Variants in NKAIN3 observed in about 807,000 individuals in gnomAD.
NKAIN3 encodes sodium/potassium transporting ATPase interacting 3, also known as sodium/potassium-transporting ATPase subunit beta-1-interacting protein 3.
A neutral mutation model predicts 30.2 loss-of-function variants in NKAIN3; 25 were observed. The observed-to-expected ratio is 0.83, with a 90% CI of 0.60 to 1.16. The LOEUF (loss-of-function observed/expected upper bound fraction) is 1.16, where lower values mean the gene tolerates loss of function less well. Ranked by LOEUF, NKAIN3 falls within the 50% of genes most tolerant of loss-of-function variation. NKAIN3 has a pLI of 0.00. For synonymous variants in NKAIN3, 91 were observed against 89.6 expected (o/e 1.02, Z -0.09); for missense variants, 225 against 254.1 (o/e 0.89, Z 0.78).
chr8:62,689,752 G>T (rs1813905393), intron 3 of NKAIN3, among the ~76,000 whole-genome samples: 1 of 151,722 alleles, frequency 6.6e-6, no homozygotes, highest in Non-Finnish European at 1.5e-5. Flanking sequence ...TTATCTCTTT[G>T]ACCCTGGAAT....
chr8:62,881,964 C>A (rs1215993398), intron 4 of NKAIN3, among the ~76,000 whole-genome samples: 1 of 152,136 alleles, frequency 6.6e-6, no homozygotes, highest in Non-Finnish European at 1.5e-5. Flanking sequence ...GTAATGGTAT[C>A]CCATCGTTGT....
rs1292500323 is a variant in NKAIN3, at chr8:62,978,855, A to G, written c.*13448A>G. The G allele has an allele frequency of 6.5e-6, 1 of 154,252 alleles. No homozygotes were observed. 9.6% of individuals were successfully genotyped at this position (154,252 alleles called of 1,614,324 possible). Reference sequence around the variant, plus strand: ...AGGGCCCTTGTGGTGTAGGCACCCAAGGGATCTCCTTGTCTGTGGATTGCG... The same window carrying G: ...AGGGCCCTTGTGGTGTAGGCACCCAGGGGATCTCCTTGTCTGTGGATTGCG... On this transcript the variant is annotated 3_prime_UTR_variant, in exon 7 of 7. Coordinates refer to ENST00000623646, the MANE Select transcript of NKAIN3 (RefSeq NM_001304533.3).
At chr8:62,423,768 T>A (rs1305619257) in intron 1 of NKAIN3, among the ~76,000 whole-genome samples, 1 of 152,016 alleles carries the variant, frequency 6.6e-6, no homozygotes, top group Non-Finnish European at 1.5e-5. Context: ...CATTTCCAAC[T>A]AATACCTTTT....
intron 1 of NKAIN3, among the ~76,000 whole-genome samples, chr8:62,256,738 C>T (rs1482799962): frequency 1.3e-5 from 2 of 152,172 alleles, no homozygotes; most frequent in East Asian, 1.9e-4. Context: ...GAAGTGCTCC[C>T]TCACAGCCCC....
At chr8:62,612,252 T>C (rs1238921491) in intron 3 of NKAIN3, among the ~76,000 whole-genome samples, 1 of 152,094 alleles carries the variant, frequency 6.6e-6, no homozygotes, top group African/African-American at 2.4e-5. Context: ...CCTATCTCTC[T>C]CTTTAGCTCT....
chr8:62,291,214 A>T (rs1813612423), intron 1 of NKAIN3, among the ~76,000 whole-genome samples: 4 of 152,076 alleles, frequency 2.6e-5, no homozygotes, highest in Admixed American at 2.6e-4. Context: ...GATTTTTCGA[A>T]GGGTTTTTGT....
At chr8:62,484,233 C>A (rs1806829959) in intron 1 of NKAIN3, among the ~76,000 whole-genome samples, 1 of 152,224 alleles carries the variant, frequency 6.6e-6, no homozygotes, top group African/African-American at 2.4e-5. Flanking sequence ...TCTTAGCAGA[C>A]TCTAGGCTCT....
chr8:62,701,720 T>A (rs1269209533), intron 3 of NKAIN3, among the ~76,000 whole-genome samples: 1 of 152,200 alleles, frequency 6.6e-6, no homozygotes, highest in Non-Finnish European at 1.5e-5. Context: ...TTTCCATCAT[T>A]TGGCAATGAG....
At position 62,979,766 on chromosome 8, in the gene NKAIN3, G is replaced by T. The variant is rs1261607697; in HGVS notation, c.*14359G>T. ...TTTCCTCTGCACTTGGTGGCCATCAGCTGTAACAAGTCCTGACTAGACAAG... is the reference window on the plus strand; with the variant it reads ...TTTCCTCTGCACTTGGTGGCCATCATCTGTAACAAGTCCTGACTAGACAAG... On this transcript the variant is annotated 3_prime_UTR_variant, in exon 7 of 7. Coordinates refer to ENST00000623646, the MANE Select transcript of NKAIN3 (RefSeq NM_001304533.3). The T allele has an allele frequency of 6.6e-6, 1 of 152,238 alleles. No homozygotes were observed. Among genetic ancestry groups the T allele is most frequent in the East Asian group, 1.9e-4 (1 of 5,198 alleles). The allele number at this position is 152,238 out of a possible 1,614,324, so 9.4% of individuals were successfully genotyped here.
At chr8:62,310,469 G>C (rs1344186711) in intron 1 of NKAIN3, among the ~76,000 whole-genome samples, 1 of 150,622 alleles carries the variant, frequency 6.6e-6, no homozygotes, top group East Asian at 1.9e-4. Context: ...AGCATGATTA[G>C]AAAGTATTTA....
chr8:62,751,896 C>G (rs1816296824), intron 4 of NKAIN3, among the ~76,000 whole-genome samples: 2 of 151,322 alleles, frequency 1.3e-5, no homozygotes, highest in South Asian at 4.2e-4. Context: ...TCAGGCTGTA[C>G]TAGATGCCCT....
intron 5 of NKAIN3, among the ~76,000 whole-genome samples, chr8:62,939,438 T>A (rs187032552): frequency 1.7e-4 from 26 of 152,272 alleles, no homozygotes; most frequent in African/African-American, 6.0e-4. Flanking sequence ...GATAATTGCC[T>A]AGGCACATAG....
At chr8:62,403,368 A>G (rs1185223034) in intron 1 of NKAIN3, among the ~76,000 whole-genome samples, 1 of 152,204 alleles carries the variant, frequency 6.6e-6, no homozygotes, top group East Asian at 1.9e-4. Flanking sequence ...AGCCAAGACA[A>G]TGGGGAAAAT....
chr8:62,904,304 T>G (rs888908866), intron 4 of NKAIN3, among the ~76,000 whole-genome samples: 3 of 152,212 alleles, frequency 2.0e-5, no homozygotes, highest in Non-Finnish European at 4.4e-5. Context: ...GGAAGCAGTA[T>G]GCATTCTGAA....
chr8:62,656,710 C>A (rs994467135), intron 3 of NKAIN3, among the ~76,000 whole-genome samples: 1 of 152,292 alleles, frequency 6.6e-6, no homozygotes, highest in East Asian at 1.9e-4. Context: ...TGTCTAGTCA[C>A]AACCACTCCC....
chr8:62,894,870 A>C (rs1821387702), intron 4 of NKAIN3, among the ~76,000 whole-genome samples: 1 of 152,174 alleles, frequency 6.6e-6, no homozygotes, highest in Non-Finnish European at 1.5e-5. Context: ...AGCACAACAT[A>C]ATTGCTAGAG....
chr8:62,519,738 A>G (rs1808099454), intron 1 of NKAIN3, among the ~76,000 whole-genome samples: 1 of 152,174 alleles, frequency 6.6e-6, no homozygotes. Context: ...TTTTCAAGGT[A>G]TAACACTGCT....
intron 1 of NKAIN3, among the ~76,000 whole-genome samples, chr8:62,336,644 G>T (rs892047090): frequency 6.6e-6 from 1 of 151,862 alleles, no homozygotes; most frequent in Non-Finnish European, 1.5e-5. Flanking sequence ...AATGGATTTT[G>T]TCCCGGTTTT....
rs1824059856 is a variant in NKAIN3, at chr8:62,980,900, A to G, written c.*15493A>G. On this transcript the variant is annotated 3_prime_UTR_variant, in exon 7 of 7. Coordinates refer to ENST00000623646, the MANE Select transcript of NKAIN3 (RefSeq NM_001304533.3). ...AGTTGGTGTTAGAATTTTTAATAAC[A>G]CAGAGAAAGCCATTGAATATGGAAC... The G allele has an allele frequency of 6.6e-6, 1 of 152,214 alleles. No homozygotes were observed. The allele number at this position is 152,214 out of a possible 1,614,324, so 9.4% of individuals were successfully genotyped here.
Sources: gnomAD v4.1 joint callset for allele counts (sites outside exome capture counted in the v4.1 genomes callset) on GRCh38, gnomAD v4.1.1 for gene constraint, MANE v1.5 for transcripts, NCBI Gene and HGNC (gene_info 2026-07-23, HGNC 2026-07-21) for gene names.